Variants in BMPR1A observed in about 807,000 individuals in gnomAD.
The protein encoded by BMPR1A is bone morphogenetic protein receptor type-1A.
BMPR1A carries 7 observed loss-of-function variants against 66.0 expected under a neutral mutation model. That is an observed-to-expected ratio of 0.11 (90% CI 0.06 to 0.20). The LOEUF is 0.20. Ranked by LOEUF, BMPR1A falls within the 10% of genes least tolerant of loss-of-function variation. BMPR1A has a pLI of 1.00. For synonymous variants in BMPR1A, 200 were observed against 229.7 expected (o/e 0.87, Z 1.17); for missense variants, 408 against 669.1 (o/e 0.61, Z 4.31).
intron 1 of BMPR1A, among the ~76,000 whole-genome samples, chr10:86,832,130 T>A (rs961279724): frequency 2.0e-5 from 3 of 152,216 alleles, no homozygotes; most frequent in African/African-American, 7.2e-5. Flanking sequence ...AGTCTGTGAA[T>A]GCCCTTCTAA....
At chr10:86,761,083 C>T (rs1394155018) in intron 1 of BMPR1A, among the ~76,000 whole-genome samples, 2 of 152,158 alleles carry the variant, frequency 1.3e-5, no homozygotes, top group African/African-American at 2.4e-5. Flanking sequence ...GCCTGGAAAT[C>T]CCCAGTAGTG....
chr10:86,872,646 AATTT>A (rs1239179266), intron 2 of BMPR1A, among the ~76,000 whole-genome samples: 5 of 151,968 alleles, frequency 3.3e-5, no homozygotes, highest in South Asian at 2.1e-4. Context: ...AAAATATTTA[AATTT>A]ATTTAATTTT....
At chr10:86,931,298 C>CACACACACACACACACACACATATATAT, downstream of BMPR1A, 2 of 90,928 alleles carry the variant, frequency 2.2e-5, no homozygotes, top group African/African-American at 1.4e-4. Context: ...CACACACACA[C>CACACACACACACACACACACATATATAT]ATATATATAT....
At chr10:86,853,916 A>G (rs1842606419) in intron 2 of BMPR1A, among the ~76,000 whole-genome samples, 1 of 152,212 alleles carries the variant, frequency 6.6e-6, no homozygotes, top group East Asian at 1.9e-4. Flanking sequence ...ATAACATCTT[A>G]TCAGGAGACA....
intron 1 of BMPR1A, among the ~76,000 whole-genome samples, chr10:86,785,175 C>A (rs972957457): frequency 6.6e-6 from 1 of 152,164 alleles, no homozygotes; most frequent in Non-Finnish European, 1.5e-5. Flanking sequence ...AGAAAAGATA[C>A]TTGCTATGAT....
intron 3 of BMPR1A, among the ~76,000 whole-genome samples, chr10:86,882,858 C>T (rs528734668): frequency 4.6e-5 from 7 of 151,786 alleles, no homozygotes; most frequent in South Asian, 2.1e-4. Context: ...CCCAGCTACT[C>T]GGGAGGCTGA....
chr10:86,840,444 A>G (rs77308777), intron 2 of BMPR1A, among the ~76,000 whole-genome samples: 2,532 of 151,994 alleles, frequency 0.017, 76 homozygotes, highest in African/African-American at 0.058. Context: ...TACTTATTTA[A>G]TTACTCCTTG....
intron 1 of BMPR1A, among the ~76,000 whole-genome samples, chr10:86,803,019 A>G (rs1841833936): frequency 7.2e-6 from 1 of 139,106 alleles, no homozygotes; most frequent in African/African-American, 2.5e-5. Flanking sequence ...AAAAAAAAAA[A>G]AAAAAGACCC....
At chr10:86,864,956 A>G (rs1405514573) in intron 2 of BMPR1A, among the ~76,000 whole-genome samples, 3 of 152,084 alleles carry the variant, frequency 2.0e-5, no homozygotes, top group South Asian at 2.1e-4. Flanking sequence ...AACACCGCCC[A>G]TTCTCTCTCC....
intron 1 of BMPR1A, among the ~76,000 whole-genome samples, chr10:86,790,191 A>ATG (rs1841590631): frequency 2.1e-4 from 2 of 9,310 alleles, no homozygotes; most frequent in African/African-American, 1.4e-3. Context: ...AAAAAAAAAT[A>ATG]TATATATATA....
chr10:86,908,528 G>C (rs576701441), intron 7 of BMPR1A, among the ~76,000 whole-genome samples: 2 of 152,256 alleles, frequency 1.3e-5, no homozygotes, highest in Non-Finnish European at 2.9e-5. Flanking sequence ...CTTCAGTGAT[G>C]GGCTGCTGTT....
chr10:86,859,552 G>T (rs1159808249), intron 2 of BMPR1A, among the ~76,000 whole-genome samples: 1 of 152,084 alleles, frequency 6.6e-6, no homozygotes, highest in African/African-American at 2.4e-5. Context: ...GGAAGTGGTG[G>T]TTCATGCCTG....
At chr10:86,877,494 A>G (rs1842935366) in intron 3 of BMPR1A, among the ~76,000 whole-genome samples, 1 of 152,222 alleles carries the variant, frequency 6.6e-6, no homozygotes, top group Non-Finnish European at 1.5e-5. Flanking sequence ...GGCGTGAGCC[A>G]CTGTGCCTGG....
chr10:86,776,384 G>A (rs1841348490), intron 1 of BMPR1A, among the ~76,000 whole-genome samples: 2 of 152,154 alleles, frequency 1.3e-5, no homozygotes, highest in African/African-American at 4.8e-5. Flanking sequence ...ACTCTCATAA[G>A]TAAAGAAAAA....
intron 1 of BMPR1A, among the ~76,000 whole-genome samples, chr10:86,828,082 G>A (rs1013239902): frequency 1.3e-5 from 2 of 152,222 alleles, no homozygotes; most frequent in Non-Finnish European, 2.9e-5. Context: ...ACCTAGGGAG[G>A]TGGAGGTTGC....
chr10:86,912,519 T>G, intron 8 of BMPR1A, 135 bp downstream of exon 8: 1 of 1,089,014 alleles, frequency 9.2e-7, no homozygotes. Flanking sequence ...GAAAGAGGTA[T>G]GCAGTATTGC....
At chr10:86,833,213 C>T (rs972722237) in intron 1 of BMPR1A, among the ~76,000 whole-genome samples, 11 of 152,148 alleles carry the variant, frequency 7.2e-5, no homozygotes, top group Non-Finnish European at 1.5e-4. Flanking sequence ...TCCAGATGCT[C>T]GACACTTGGT....
At chr10:86,923,556 T>G (rs769712062) in intron 12 of BMPR1A, 38 bp from the exon 13 acceptor site, 2 of 1,614,226 alleles carry the variant, frequency 1.2e-6, no homozygotes, top group Admixed American at 1.7e-5. Flanking sequence ...TGCCACCAAA[T>G]ATATTCTCTG....
At position 86,875,372 on chromosome 10, in the gene BMPR1A, C is replaced by CAAATAAAATA. The variant is rs4029464; in HGVS notation, c.-152-485_-152-476dup. Among the ~76,000 whole-genome samples the CAAATAAAATA allele has an allele frequency of 7.3e-5, 11 of 151,610 alleles. 1 individual carries two copies. Among genetic ancestry groups the CAAATAAAATA allele is most frequent in the African/African-American group, 2.7e-4 (11 of 41,196 alleles). ...TGGGCGACCGAGCAAAACTCTGTCT[C>CAAATAAAATA]AAATAAAATAAAATAAAATGAATTA... On this transcript the variant is annotated intron_variant, in intron 2 of 12. Coordinates refer to ENST00000372037, the MANE Select transcript of BMPR1A (RefSeq NM_004329.3).
Sources: allele counts gnomAD v4.1 joint callset (sites outside exome capture counted in the v4.1 genomes callset), GRCh38; gene constraint gnomAD v4.1.1; transcripts MANE v1.5; gene names NCBI Gene and HGNC (gene_info 2026-07-23, HGNC 2026-07-21).